SLC35D4: variants seen among roughly 807,000 people sequenced by gnomAD.
SLC35D4 encodes solute carrier family 35 member D4.
the SLC35D4 span, among the ~76,000 whole-genome samples, chr18:23,284,427 G>T: frequency 6.6e-6 from 1 of 152,200 alleles, no homozygotes; most frequent in Non-Finnish European, 1.5e-5. Context: ...TTGGGACAAA[G>T]CTTAACTCTT....
At chr18:23,313,713 G>A in the SLC35D4 span, among the ~76,000 whole-genome samples, 1 of 152,176 alleles carries the variant, frequency 6.6e-6, no homozygotes, top group Admixed American at 6.5e-5. Flanking sequence ...GGGACCTAGA[G>A]CACAGGGCCC....
chr18:23,251,917 C>G, the SLC35D4 span, among the ~76,000 whole-genome samples: 6 of 152,042 alleles, frequency 3.9e-5, no homozygotes, highest in Non-Finnish European at 7.4e-5. Flanking sequence ...GAAACTCAGT[C>G]TCTCTTAAAA....
chr18:23,418,909 G>A, the SLC35D4 span, among the ~76,000 whole-genome samples: 2 of 151,832 alleles, frequency 1.3e-5, no homozygotes, highest in African/African-American at 4.8e-5. Flanking sequence ...TCGGGAGGCT[G>A]AGGCAGGAGA....
chr18:23,367,466 C>T, the SLC35D4 span, among the ~76,000 whole-genome samples: 2 of 152,108 alleles, frequency 1.3e-5, no homozygotes, highest in African/African-American at 4.8e-5. Flanking sequence ...CAGAGGGGTG[C>T]TGGGGGACGG....
chr18:23,284,852 C>T, the SLC35D4 span, among the ~76,000 whole-genome samples: 3 of 152,218 alleles, frequency 2.0e-5, no homozygotes, highest in African/African-American at 7.2e-5. Flanking sequence ...CCTGTCTACT[C>T]AGCCTTTCCA....
At chr18:23,394,070 T>A in the SLC35D4 span, among the ~76,000 whole-genome samples, 5 of 152,220 alleles carry the variant, frequency 3.3e-5, no homozygotes, top group African/African-American at 1.2e-4. Context: ...TGGGTATACA[T>A]CCAAAAGTGG....
At chr18:23,328,929 A>T in the SLC35D4 span, among the ~76,000 whole-genome samples, 1 of 152,230 alleles carries the variant, frequency 6.6e-6, no homozygotes, top group Admixed American at 6.5e-5. Flanking sequence ...GATCTTTGAC[A>T]AACCTGTCAA....
chr18:23,429,671 G>A, the SLC35D4 span, among the ~76,000 whole-genome samples: 2 of 151,856 alleles, frequency 1.3e-5, no homozygotes, highest in Non-Finnish European at 2.9e-5. Context: ...CCACCACACC[G>A]GCCATTTTTT....
At chr18:23,308,753 T>C in the SLC35D4 span, among the ~76,000 whole-genome samples, 2 of 152,054 alleles carry the variant, frequency 1.3e-5, no homozygotes, top group African/African-American at 4.8e-5. Flanking sequence ...TTTATGCAAA[T>C]GGGTAGTGCA....
At chr18:23,321,941 T>C in the SLC35D4 span, among the ~76,000 whole-genome samples, 2 of 152,208 alleles carry the variant, frequency 1.3e-5, no homozygotes, top group Non-Finnish European at 2.9e-5. Context: ...TAAAATGTAA[T>C]TGATGGTAAT....
chr18:23,270,143 C>G, the SLC35D4 span, among the ~76,000 whole-genome samples: 1 of 152,192 alleles, frequency 6.6e-6, no homozygotes, highest in Non-Finnish European at 1.5e-5. Context: ...GCCCAGGGCT[C>G]CCTGCTGTGG....
At chr18:23,430,533 G>A in the SLC35D4 span, 1 of 1,036,870 alleles carries the variant, frequency 9.6e-7, no homozygotes, top group Non-Finnish European at 1.4e-6. Flanking sequence ...ATGTCTATTT[G>A]ACAAAAAAAA....
chr18:23,251,945 G>A, the SLC35D4 span, among the ~76,000 whole-genome samples: 3 of 152,080 alleles, frequency 2.0e-5, no homozygotes, highest in African/African-American at 7.2e-5. Flanking sequence ...AATTAGCTGG[G>A]TGTGATGGTG....
At chr18:23,279,204 T>C in the SLC35D4 span, among the ~76,000 whole-genome samples, 15 of 152,102 alleles carry the variant, frequency 9.9e-5, no homozygotes, top group Non-Finnish European at 2.2e-4. Context: ...ACTCTAGCTA[T>C]CACATCTTCA....
At chr18:23,304,883 G>A in the SLC35D4 span, among the ~76,000 whole-genome samples, 3 of 152,032 alleles carry the variant, frequency 2.0e-5, no homozygotes, top group South Asian at 2.1e-4. Context: ...CAGCTCCAGG[G>A]GCATCTTCCA....
At chr18:23,415,748 A>G in the SLC35D4 span, among the ~76,000 whole-genome samples, 1 of 152,236 alleles carries the variant, frequency 6.6e-6, no homozygotes, top group Non-Finnish European at 1.5e-5. Flanking sequence ...TTATGGCTGT[A>G]CAACAGCGCT....
chr18:23,275,145 CGTGT>C, the SLC35D4 span, among the ~76,000 whole-genome samples: 3 of 151,104 alleles, frequency 2.0e-5, no homozygotes, highest in Admixed American at 2.0e-4. Context: ...AGTGCTTGTG[CGTGT>C]GTGTGTGTGC....
At chr18:23,413,021 C>T in the SLC35D4 span, among the ~76,000 whole-genome samples, 1 of 152,124 alleles carries the variant, frequency 6.6e-6, no homozygotes, top group East Asian at 1.9e-4. Context: ...CACTGGGTTT[C>T]CGTAAAGTTC....
At chr18:23,297,953 T>G in the SLC35D4 span, 1 of 1,590,656 alleles carries the variant, frequency 6.3e-7, no homozygotes, top group Non-Finnish European at 8.6e-7. Flanking sequence ...CGTACACAGG[T>G]GTACAAGCTG....
Sources: allele counts gnomAD v4.1 joint callset (sites outside exome capture counted in the v4.1 genomes callset), GRCh38; gene constraint gnomAD v4.1.1; transcripts MANE v1.5; gene names NCBI Gene and HGNC (gene_info 2026-07-23, HGNC 2026-07-21).